MBP: variants seen among roughly 807,000 people sequenced by gnomAD.
MBP encodes Golli-MBP.
In MBP, 16 loss-of-function variants were observed where a neutral mutation model predicts 35.8. The ratio of observed to expected loss-of-function variants is 0.45; its 90% CI spans 0.30 to 0.68. MBP has a LOEUF of 0.68. Among genes scored for constraint, MBP ranks in the 30% least tolerant of loss-of-function variants. The probability of loss-of-function intolerance (pLI) is 0.08; values close to 1 mark genes in which losing one functional copy is unlikely to be tolerated. For missense variants in MBP, 380 were observed against 404.7 expected, an observed-to-expected ratio of 0.94 and a Z score of 0.52; for synonymous variants, 143 against 159.6, an observed-to-expected ratio of 0.90 and a Z score of 0.78.
intron 3 of MBP, among the ~76,000 whole-genome samples, chr18:77,026,221 C>T (rs1204888887): frequency 1.3e-5 from 2 of 152,254 alleles, no homozygotes; most frequent in African/African-American, 4.8e-5. Flanking sequence ...GCTTGACCCA[C>T]GGAGGGCGGC....
chr18:77,130,164 G>A (rs930364371), intron 1 of MBP, among the ~76,000 whole-genome samples: 1 of 152,128 alleles, frequency 6.6e-6, no homozygotes, highest in African/African-American at 2.4e-5. Flanking sequence ...GTAGCCTTAT[G>A]GTGAAATCAT....
intron 2 of MBP, among the ~76,000 whole-genome samples, chr18:77,069,934 C>G (rs565885330): frequency 6.6e-6 from 1 of 152,294 alleles, no homozygotes; most frequent in Non-Finnish European, 1.5e-5. Context: ...ATCTCTAGGT[C>G]ATACAGGGAC....
intron 3 of MBP, among the ~76,000 whole-genome samples, chr18:77,036,851 G>A (rs1302501578): frequency 7.1e-6 from 1 of 140,830 alleles, no homozygotes; most frequent in Non-Finnish European, 1.5e-5. Context: ...GTCACATTTT[G>A]GAGGACTGAG....
At chr18:76,981,022 T>C (rs1969166300) in intron 8 of MBP, 1 of 155,724 alleles carries the variant, frequency 6.4e-6, no homozygotes, top group Non-Finnish European at 1.4e-5. Context: ...TCTGCAAACT[T>C]TGACTTGAAG....
intron 4 of MBP, chr18:77,014,511 C>A (rs1971520276): frequency 1.0e-6 from 1 of 985,418 alleles, no homozygotes; most frequent in Non-Finnish European, 1.2e-6. Flanking sequence ...TCGGCCTATC[C>A]CAAGGACCTT....
intron 2 of MBP, among the ~76,000 whole-genome samples, chr18:77,104,568 GAAGA>G (rs1188222367): frequency 2.6e-5 from 4 of 152,202 alleles, no homozygotes; most frequent in Non-Finnish European, 5.9e-5. Flanking sequence ...TGGTGGGTGA[GAAGA>G]AAGGAGTGGG....
chr18:77,074,315 G>A (rs1042507161), intron 2 of MBP, among the ~76,000 whole-genome samples: 6 of 151,026 alleles, frequency 4.0e-5, no homozygotes, highest in Admixed American at 2.0e-4. Flanking sequence ...AGTGAGCCCC[G>A]GTCTCAAGGG....
intron 4 of MBP, chr18:77,003,486 A>G (rs1422261794): frequency 6.6e-6 from 1 of 152,232 alleles, no homozygotes; most frequent in Non-Finnish European, 1.5e-5. Flanking sequence ...CAGATACCAG[A>G]GAGCTCAGAA....
chr18:77,052,020 G>A (rs1476884064), intron 3 of MBP, among the ~76,000 whole-genome samples: 1 of 152,174 alleles, frequency 6.6e-6, no homozygotes, highest in Non-Finnish European at 1.5e-5. Flanking sequence ...AGGTTATGGT[G>A]AAGCCGTGCG....
At position 76,980,119 on chromosome 18, in the gene MBP, G is replaced by A. The variant is rs965598202; in HGVS notation, c.*308C>T. Reference sequence around the variant, plus strand: ...AGTCCAAGGGTGGAGGGGTGAACGTGGAGGGACGTCTGTGCACCTGGCCCC... The same window carrying A: ...AGTCCAAGGGTGGAGGGGTGAACGTAGAGGGACGTCTGTGCACCTGGCCCC... On this transcript the variant is annotated 3_prime_UTR_variant, in exon 9 of 9. Transcript: ENST00000355994. The A allele has an allele frequency of 4.4e-6, 3 of 678,668 alleles. No homozygotes were observed. The African/African-American group carries it at 5.4e-5, about 12-fold the overall frequency. The allele number at this position is 678,668 out of a possible 1,614,324, so 42.0% of individuals were successfully genotyped here.
chr18:76,986,484 C>T (rs1383763488), intron 7 of MBP: 2 of 985,376 alleles, frequency 2.0e-6, no homozygotes, highest in African/African-American at 3.5e-5. Flanking sequence ...GCTACTTGCA[C>T]AGTTTTCTTT....
chr18:77,005,038 T>C (rs999800951), intron 4 of MBP: 1 of 152,268 alleles, frequency 6.6e-6, no homozygotes, highest in Non-Finnish European at 1.5e-5. Flanking sequence ...GCTCTGGCTC[T>C]GGGCACAGAA....
At chr18:77,111,035 C>T (rs1450409584) in intron 1 of MBP, among the ~76,000 whole-genome samples, 1 of 152,120 alleles carries the variant, frequency 6.6e-6, no homozygotes, top group African/African-American at 2.4e-5. Flanking sequence ...GGCTGTATTG[C>T]CTCGTGGCTG....
intron 1 of MBP, among the ~76,000 whole-genome samples, chr18:77,118,307 C>G (rs943104210): frequency 6.6e-6 from 1 of 151,862 alleles, no homozygotes; most frequent in Non-Finnish European, 1.5e-5. Context: ...GGCCTCAGCC[C>G]GACTGCTTGG....
At position 77,105,243 on chromosome 18, in the gene MBP, T is replaced by C; in HGVS notation, c.19A>G (p.Lys7Glu). ...GCCTTCTCGGCATTTAATTCTCGTT[T>C]GCCTGCGTGGTTTCCCATCCTGAAT... Reference protein sequence around the residue: MGNHAGKRELNAEKAST... With the variant: MGNHAGERELNAEKAST... The change falls in exon 2 of 9, where the codon AAA (lysine) becomes GAA (glutamate). Residue 7 changes from lysine (K) to glutamate (E), a missense_variant. Lys to Glu is a moderately conservative substitution (Grantham distance 56). Coordinates refer to ENST00000355994, the MANE Select transcript of MBP (RefSeq NM_001025101.2). The C allele has an allele frequency of 6.2e-7, 1 of 1,612,720 alleles. No homozygotes were observed. The highest frequency in any genetic ancestry group is 2.2e-5 in the East Asian group (1 of 44,830).
intron 2 of MBP, among the ~76,000 whole-genome samples, chr18:77,088,479 G>A (rs1362508709): frequency 5.9e-5 from 9 of 152,158 alleles, no homozygotes; most frequent in Admixed American, 5.9e-4. Flanking sequence ...AGTTTTTAAT[G>A]TTGTCACAGG....
At chr18:77,109,842 G>A (rs542795086) in intron 1 of MBP, 3 of 152,326 alleles carry the variant, frequency 2.0e-5, no homozygotes, top group South Asian at 2.1e-4. Flanking sequence ...GAGCTGCAGG[G>A]TATACCCATA....
intron 2 of MBP, among the ~76,000 whole-genome samples, chr18:77,078,985 C>T (rs1049310635): frequency 4.6e-5 from 7 of 152,198 alleles, no homozygotes; most frequent in Admixed American, 2.6e-4. Flanking sequence ...ATGAGTCAGG[C>T]GCTCAGCCAT....
chr18:77,121,893 G>A (rs1313577899), intron 1 of MBP, among the ~76,000 whole-genome samples: 2 of 152,170 alleles, frequency 1.3e-5, no homozygotes, highest in Non-Finnish European at 2.9e-5. Context: ...CACACAGCCT[G>A]CCACAACCCC....
Sources: allele counts gnomAD v4.1 joint callset (sites outside exome capture counted in the v4.1 genomes callset), GRCh38; gene constraint gnomAD v4.1.1; transcripts MANE v1.5; gene names NCBI Gene and HGNC (gene_info 2026-07-23, HGNC 2026-07-21).